The following WDR43 variants were observed in gnomAD, a reference collection of about 807,000 sequenced individuals.
The protein encoded by WDR43 is WD repeat domain 43.
WDR43 carries 13 observed loss-of-function variants against 91.4 expected under a neutral mutation model. The observed-to-expected ratio is 0.14, with a 90% CI of 0.09 to 0.23. WDR43 has a LOEUF of 0.23. Ranked by LOEUF, WDR43 falls within the 10% of genes least tolerant of loss-of-function variation. The pLI is 1.00. For synonymous variants in WDR43, 331 were observed against 287.9 expected, an observed-to-expected ratio of 1.15 and a Z score of -1.51; for missense variants, 780 against 809.4, an observed-to-expected ratio of 0.96 and a Z score of 0.44.
chr2:28,926,459 T>C lies in WDR43; in HGVS notation c.1087-9T>C, dbSNP rs756183209. On this transcript the variant is annotated splice_polypyrimidine_tract_variant and intron_variant, in intron 8 of 17. Transcript: ENST00000407426. ...CTCATCTTCCCCTTTAAAAAAAATA[T>C]ATTTTCAGGCTTTAAACTCCAGAGA... 31 of 1,525,532 alleles carry C rather than the reference T, an allele frequency of 2.0e-5. No homozygotes were observed. The East Asian group carries it at 2.1e-4, about 10-fold the overall frequency. 94.5% of individuals were successfully genotyped at this position (1,525,532 alleles called of 1,614,324 possible).
At chr2:28,936,714 C>G (rs1391442618) in intron 12 of WDR43, among the ~76,000 whole-genome samples, 1 of 152,158 alleles carries the variant, frequency 6.6e-6, no homozygotes, top group Admixed American at 6.5e-5. Flanking sequence ...TTTGCCGGTT[C>G]TGGACATTCC....
chr2:28,929,839 T>G lies in WDR43; in HGVS notation c.1437+129T>G, dbSNP rs141683420. 4.5e-5 allele frequency: 44 copies of G among 980,710 alleles called. No homozygotes were observed. The East Asian group carries it at 1.1e-3, about 25-fold the overall frequency. 60.8% of individuals were successfully genotyped at this position (980,710 alleles called of 1,614,324 possible). On this transcript the variant is annotated intron_variant, in intron 11 of 17. Coordinates refer to ENST00000407426, the MANE Select transcript of WDR43 (RefSeq NM_015131.3). ...TTTGGAATGTAATGTTTTATGAGTT[T>G]AGTCAAACATGTATCACTTGGTGGC...
chr2:28,908,055 T>C (rs2148181757), intron 3 of WDR43, among the ~76,000 whole-genome samples: 1 of 152,218 alleles, frequency 6.6e-6, no homozygotes, highest in African/African-American at 2.4e-5. Flanking sequence ...TGTAATCTGG[T>C]TGTAGGATGG....
intron 11 of WDR43, among the ~76,000 whole-genome samples, chr2:28,934,648 G>A (rs930117463): frequency 1.3e-5 from 2 of 152,100 alleles, no homozygotes; most frequent in African/African-American, 4.8e-5. Context: ...AGACCAGGAG[G>A]TCAAAGCTGC....
intron 3 of WDR43, among the ~76,000 whole-genome samples, chr2:28,910,694 T>TATATATATATATATATAA (rs1001847583): frequency 6.7e-6 from 1 of 148,312 alleles, no homozygotes; most frequent in African/African-American, 2.5e-5. Context: ...TATATATATA[T>TATATATATATATATATAA]AATTATTATT....
Position 28,918,612 on chromosome 2 carries a change from G to A in WDR43, c.849+617G>A, listed in dbSNP as rs945133784. Among the ~76,000 whole-genome samples, 16 of 151,938 alleles carry A rather than the reference G, an allele frequency of 1.1e-4. No homozygotes were observed. The East Asian group carries it at 2.5e-3, about 24-fold the overall frequency. ...TCGAACTCCCCACCTCAGGTGATCCGCCCACCTCAGCCTCCCAAAGTGCTG... is the reference window on the plus strand; with the variant it reads ...TCGAACTCCCCACCTCAGGTGATCCACCCACCTCAGCCTCCCAAAGTGCTG... On this transcript the variant is annotated intron_variant, in intron 6 of 17. Transcript: ENST00000407426.
chr2:28,932,490 G>A (rs1400749898), intron 11 of WDR43, among the ~76,000 whole-genome samples: 3 of 152,142 alleles, frequency 2.0e-5, no homozygotes, highest in Admixed American at 2.0e-4. Flanking sequence ...AAAAAGAAAA[G>A]AATGGATGTT....
In WDR43 at chr2:28,911,720, C is replaced by T. The variant is rs201343184; in HGVS notation, c.486-870C>T. On this transcript the variant is annotated intron_variant, in intron 3 of 17. Transcript: ENST00000407426. The stretch of plus-strand genomic sequence containing the variant: ...GATCTTGGCTCATTGCAGTCTCTGC[C>T]TCCTGGGCTCAAGCGATCCTACCAT... 3.6e-3 allele frequency among the ~76,000 whole-genome samples: 543 copies of T among 152,158 alleles called. 25 individuals are homozygous for T. In the East Asian group the frequency reaches 0.096, roughly 27 times the overall value.
intron 15 of WDR43, among the ~76,000 whole-genome samples, chr2:28,941,945 A>G (rs986389684): frequency 1.3e-5 from 2 of 152,162 alleles, no homozygotes; most frequent in Admixed American, 1.3e-4. Flanking sequence ...CTAGTCTTTA[A>G]CTTGGAAAGC....
In WDR43 at chr2:28,937,916, G is replaced by A. The variant is rs1268409046; in HGVS notation, c.1557-15G>A. The stretch of plus-strand genomic sequence containing the variant: ...GAATTTGTGAACATTAGTTTACTTG[G>A]ATTTTTTTTTCCAGTGCTGTGCTAA... On this transcript the variant is annotated splice_polypyrimidine_tract_variant and intron_variant, in intron 13 of 17. Transcript: ENST00000407426. 6.2e-7 allele frequency: 1 copy of A among 1,611,198 alleles called. No individual in the cohort carries two copies.
At chr2:28,939,519 C>T (rs1016260176) in intron 14 of WDR43, among the ~76,000 whole-genome samples, 18 of 152,178 alleles carry the variant, frequency 1.2e-4, no homozygotes, top group Non-Finnish European at 1.6e-4. Context: ...TGGTTTTCCT[C>T]GCTCTTTTCC....
chr2:28,907,872 C>T (rs1044795408), intron 3 of WDR43, among the ~76,000 whole-genome samples: 15 of 149,630 alleles, frequency 1.0e-4, no homozygotes, highest in Admixed American at 4.0e-4. Context: ...CCACTGCACT[C>T]CAGCCTGGGC....
At chr2:28,902,259 A>G (rs1462545757) in intron 2 of WDR43, 135 bp downstream of exon 2, 6 of 849,728 alleles carry the variant, frequency 7.1e-6, no homozygotes, top group African/African-American at 1.7e-5. Context: ...ATCTACGTTT[A>G]AATAACTGAA....
chr2:28,915,577 TA>T (rs1299457235), intron 5 of WDR43, among the ~76,000 whole-genome samples: 3 of 152,216 alleles, frequency 2.0e-5, no homozygotes, highest in East Asian at 3.8e-4. Context: ...GAAGTAAACT[TA>T]AAATTAACCA....
chr2:28,908,282 A>C (rs1670722604), intron 3 of WDR43, among the ~76,000 whole-genome samples: 1 of 152,208 alleles, frequency 6.6e-6, no homozygotes, highest in Admixed American at 6.5e-5. Context: ...GTGAAAGATA[A>C]GACCCAGCAG....
chr2:28,900,881 A>G (rs1459603987), intron 1 of WDR43, among the ~76,000 whole-genome samples: 6 of 152,168 alleles, frequency 3.9e-5, no homozygotes, highest in Admixed American at 2.6e-4. Context: ...TCTGTGTCCA[A>G]TGAATCAAAT....
intron 6 of WDR43, among the ~76,000 whole-genome samples, chr2:28,918,594 CCCCACCTCAGGTGATCCG>C (rs1210792454): frequency 1.6e-4 from 24 of 151,716 alleles, no homozygotes; most frequent in African/African-American, 3.6e-4. Flanking sequence ...GTCTCGAACT[CCCCACCTCAGGTGATCCG>C]CCCACCTCAG....
At chr2:28,918,968 C>G (rs914366307) in intron 6 of WDR43, among the ~76,000 whole-genome samples, 12 of 152,116 alleles carry the variant, frequency 7.9e-5, no homozygotes. Context: ...AAAAGTGTTT[C>G]AGGGGAAAAA....
chr2:28,907,468 ATT>A (rs1670704679), intron 3 of WDR43, among the ~76,000 whole-genome samples: 1 of 120,304 alleles, frequency 8.3e-6, no homozygotes, highest in Non-Finnish European at 1.7e-5. Context: ...AAAAAAAAAA[ATT>A]GGGTGTGGTG....
Sources: gnomAD v4.1 joint callset for allele counts (sites outside exome capture counted in the v4.1 genomes callset) on GRCh38, gnomAD v4.1.1 for gene constraint, MANE v1.5 for transcripts, NCBI Gene and HGNC (gene_info 2026-07-23, HGNC 2026-07-21) for gene names.